The following PDE10A variants were observed in gnomAD, a reference collection of about 807,000 sequenced individuals.
PDE10A encodes cAMP and cAMP-inhibited cGMP 3',5'-cyclic phosphodiesterase 10A.
A neutral mutation model predicts 97.7 loss-of-function variants in PDE10A; 39 were observed. The ratio of observed to expected loss-of-function variants is 0.40; its 90% CI spans 0.31 to 0.52. The LOEUF (loss-of-function observed/expected upper bound fraction) is 0.52. Among genes scored for constraint, PDE10A ranks in the 20% least tolerant of loss-of-function variants. The pLI, the probability that PDE10A is intolerant of heterozygous loss-of-function variation, is 0.56. For missense variants in PDE10A, 731 were observed against 1,047.8 expected, an observed-to-expected ratio of 0.70 and a Z score of 4.17; for synonymous variants, 371 against 376.8, an observed-to-expected ratio of 0.98 and a Z score of 0.18.
intron 2 of PDE10A, among the ~76,000 whole-genome samples, chr6:165,528,610 A>G (rs141964200): frequency 0.02 from 3,108 of 152,314 alleles, 114 homozygotes; most frequent in African/African-American, 0.071. Context: ...TCCTGCATGC[A>G]ATGCTTCTGC....
At chr6:165,784,452 G>A (rs549600768) in intron 1 of PDE10A, among the ~76,000 whole-genome samples, 2 of 152,060 alleles carry the variant, frequency 1.3e-5, no homozygotes, top group Non-Finnish European at 2.9e-5. Context: ...AAATTTGAAT[G>A]TTACATTTCA....
At chr6:165,917,808 C>T (rs1041561348) in intron 1 of PDE10A, among the ~76,000 whole-genome samples, 1 of 152,176 alleles carries the variant, frequency 6.6e-6, no homozygotes, top group Non-Finnish European at 1.5e-5. Flanking sequence ...GCCATCTCCT[C>T]TTCTGCATCC....
At chr6:165,954,456 C>T (rs578195995) in intron 1 of PDE10A, among the ~76,000 whole-genome samples, 4 of 152,300 alleles carry the variant, frequency 2.6e-5, no homozygotes, top group Admixed American at 6.5e-5. Context: ...CGTCTACCTA[C>T]GGGTAAGAAG....
At chr6:165,628,027 A>G (rs1290405426) in intron 1 of PDE10A, among the ~76,000 whole-genome samples, 1 of 152,242 alleles carries the variant, frequency 6.6e-6, no homozygotes, top group African/African-American at 2.4e-5. Flanking sequence ...AGGGTACATC[A>G]GGATGACAAA....
intron 1 of PDE10A, among the ~76,000 whole-genome samples, chr6:165,583,655 CAGAAA>C (rs984489791): frequency 9.2e-5 from 14 of 152,230 alleles, no homozygotes; most frequent in African/African-American, 3.1e-4. Flanking sequence ...GCTGGCTTGA[CAGAAA>C]AGAAAAGGGG....
intron 1 of PDE10A, among the ~76,000 whole-genome samples, chr6:165,796,649 C>T (rs925168526): frequency 1.3e-5 from 2 of 152,152 alleles, no homozygotes; most frequent in African/African-American, 4.8e-5. Context: ...TAATAATTCT[C>T]CAATGACATC....
exon 1 of PDE10A, chr6:165,987,631 G>T: frequency 2.3e-6 from 1 of 429,286 alleles, no homozygotes. Context: ...AAAAGGCAAG[G>T]CGCCGGGAGC....
At chr6:165,580,811 A>C (rs1785571959) in intron 1 of PDE10A, among the ~76,000 whole-genome samples, 2 of 152,128 alleles carry the variant, frequency 1.3e-5, no homozygotes, top group Non-Finnish European at 2.9e-5. Flanking sequence ...ATGAGAAAGA[A>C]GACGGTAAGT....
intron 1 of PDE10A, among the ~76,000 whole-genome samples, chr6:165,565,486 T>C (rs758446130): frequency 1.3e-5 from 2 of 152,176 alleles, no homozygotes; most frequent in Non-Finnish European, 2.9e-5. Flanking sequence ...TGTTAATGGA[T>C]AGGAAGACTC....
chr6:165,700,698 A>C (rs985241091), intron 1 of PDE10A, among the ~76,000 whole-genome samples: 1 of 152,200 alleles, frequency 6.6e-6, no homozygotes, highest in African/African-American at 2.4e-5. Flanking sequence ...TTTGTTACAG[A>C]AGTATTGCAC....
chr6:165,766,973 C>T (rs1381746705), intron 1 of PDE10A, among the ~76,000 whole-genome samples: 3 of 152,190 alleles, frequency 2.0e-5, no homozygotes, highest in Non-Finnish European at 4.4e-5. Context: ...CAAACTTTCC[C>T]TTGTTTTATA....
intron 3 of PDE10A, among the ~76,000 whole-genome samples, chr6:165,462,304 T>G (rs1442887213): frequency 4.6e-5 from 7 of 152,312 alleles, no homozygotes; most frequent in African/African-American, 1.4e-4. Context: ...CTAGCATTAT[T>G]AACTTTAAAT....
At chr6:165,909,951 G>T (rs919814176) in intron 1 of PDE10A, among the ~76,000 whole-genome samples, 3 of 151,846 alleles carry the variant, frequency 2.0e-5, no homozygotes, top group African/African-American at 7.3e-5. Flanking sequence ...TCTCTATAAG[G>T]CTCGCTCCCA....
chr6:165,974,953 G>A (rs886900868), intron 1 of PDE10A, among the ~76,000 whole-genome samples: 3 of 152,182 alleles, frequency 2.0e-5, no homozygotes, highest in Non-Finnish European at 4.4e-5. Flanking sequence ...GGATATTTTG[G>A]CTGGGTTAAC....
intron 17 of PDE10A, among the ~76,000 whole-genome samples, chr6:165,381,068 C>A (rs375692948): frequency 1.3e-5 from 2 of 152,188 alleles, no homozygotes; most frequent in Admixed American, 6.5e-5. Context: ...ATAATTATCA[C>A]CATAACCTGT....
Position 165,662,098 on chromosome 6 carries a change from T to TGGGCCGGCGCCGGGGAAGCCGGGG in PDE10A, c.690_713dup (p.Pro231_Pro238dup). 3 of 1,139,932 alleles carry TGGGCCGGCGCCGGGGAAGCCGGGG rather than the reference T, an allele frequency of 2.6e-6. No individual in the cohort carries two copies. Among genetic ancestry groups the TGGGCCGGCGCCGGGGAAGCCGGGG allele is most frequent in the Non-Finnish European group, 3.2e-6 (3 of 924,560 alleles). The allele number at this position is 1,139,932 out of a possible 1,614,324, so 70.6% of individuals were successfully genotyped here. On this transcript the variant is annotated inframe_insertion, in exon 1 of 22. Transcript: ENST00000539869. ...GCCGCGGAGTTTGGCCGCCGCCGCCTGGGCCGGCGCCGGGGAAGCCGGGGG... is the reference window on the plus strand; with the variant it reads ...GCCGCGGAGTTTGGCCGCCGCCGCCTGGGCCGGCGCCGGGGAAGCCGGGGGGGCCGGCGCCGGGGAAGCCGGGGG...
At chr6:165,796,143 C>CGG (rs1348409399) in intron 1 of PDE10A, among the ~76,000 whole-genome samples, 2 of 143,320 alleles carry the variant, frequency 1.4e-5, no homozygotes, top group African/African-American at 5.2e-5. Flanking sequence ...TCACCCAGGC[C>CGG]GGAGTGCAGT....
chr6:165,642,301 CATG>C (rs1365442419), intron 1 of PDE10A, among the ~76,000 whole-genome samples: 2 of 152,190 alleles, frequency 1.3e-5, no homozygotes, highest in Admixed American at 6.5e-5. Flanking sequence ...ATGTGTCTAG[CATG>C]ATACGTTTGT....
chr6:165,934,152 C>CTT lies in PDE10A; in HGVS notation c.-615+53375_-615+53376dup, dbSNP rs778137427. 3.0e-3 allele frequency among the ~76,000 whole-genome samples: 325 copies of CTT among 109,148 alleles called. 7 individuals carry two copies. The highest frequency in any genetic ancestry group is 9.1e-3 in the African/African-American group (235 of 25,954). The allele number at this position is 109,148 out of a possible 152,430, so 71.6% of individuals were successfully genotyped here. A position where few individuals can be genotyped will look rare whatever the true frequency, so the allele number is the denominator to read the frequency against. ...GCATGCACCACCATGCCTGGCTGAT[C>CTT]TTTTTTTTTTTTTTTTTTTGTACTT... On this transcript the variant is annotated intron_variant, in intron 1 of 19. Coordinates refer to the PDE10A transcript ENST00000366882.
Sources: allele counts gnomAD v4.1 joint callset (sites outside exome capture counted in the v4.1 genomes callset), GRCh38; gene constraint gnomAD v4.1.1; transcripts MANE v1.5; gene names NCBI Gene and HGNC (gene_info 2026-07-23, HGNC 2026-07-21).